The following SCAF8 variants were observed in gnomAD, a reference collection of about 807,000 sequenced individuals.
SCAF8 encodes SR-related and CTD-associated factor 8.
A neutral mutation model predicts 140.5 loss-of-function variants in SCAF8; 23 were observed. That is an observed-to-expected ratio of 0.16 (90% confidence interval 0.12 to 0.23). The LOEUF (loss-of-function observed/expected upper bound fraction) is 0.23, where lower values mean the gene tolerates loss of function less well. SCAF8 is among the 10% of genes least tolerant of loss of function. The probability of loss-of-function intolerance (pLI) is 1.00; values close to 1 mark genes in which losing one functional copy is unlikely to be tolerated. For missense variants in SCAF8, 1,397 were observed against 1,555.7 expected (o/e 0.90, Z 1.72); for synonymous variants, 575 against 528.9 (o/e 1.09, Z -1.20).
intron 1 of SCAF8, among the ~76,000 whole-genome samples, chr6:154,770,378 A>G (rs1776703735): frequency 7.2e-6 from 1 of 139,110 alleles, no homozygotes; most frequent in South Asian, 2.3e-4. Context: ...GTACACACAC[A>G]CACACACACA....
intron 6 of SCAF8, among the ~76,000 whole-genome samples, chr6:154,799,015 G>A (rs1373745257): frequency 6.6e-6 from 1 of 150,580 alleles, no homozygotes; most frequent in East Asian, 1.9e-4. Flanking sequence ...TGGAGTCTTA[G>A]CCTGTCACCC....
rs934350711 is a variant in SCAF8 at position 154,801,586 on chromosome 6, C to T, written c.607-385C>T. On this transcript the variant is annotated intron_variant, in intron 6 of 19. Coordinates refer to ENST00000367178, the MANE Select transcript of SCAF8 (RefSeq NM_014892.5). ...ATGACTCTCCAACTTTCAGGAAGTA[C>T]GTGCTCAGATGGTAATTCTGAATAA... Among the ~76,000 whole-genome samples the T allele has an allele frequency of 4.6e-5, 7 of 151,502 alleles. No homozygotes were observed. The South Asian group carries it at 6.2e-4, about 13-fold the overall frequency.
rs558548308 is a variant in SCAF8, at chr6:154,797,585, A to G, written c.606+2446A>G. Among the ~76,000 whole-genome samples the G allele has an allele frequency of 3.1e-4, 47 of 151,200 alleles. 2 individuals carry two copies. The highest frequency in any genetic ancestry group is 4.0e-4 in the Non-Finnish European group (27 of 67,690). On this transcript the variant is annotated intron_variant, in intron 6 of 19. Transcript: ENST00000367178. Reference sequence around the variant, plus strand: ...TGATTTCTCTATTTTCAGTAGAGACAGGGTTTCACCGTGTTAGCCAGGATG... The same window carrying G: ...TGATTTCTCTATTTTCAGTAGAGACGGGGTTTCACCGTGTTAGCCAGGATG...
At chr6:154,737,547 C>T (rs1012129013) in intron 1 of SCAF8, among the ~76,000 whole-genome samples, 3 of 151,924 alleles carry the variant, frequency 2.0e-5, no homozygotes, top group African/African-American at 4.8e-5. Flanking sequence ...TAGCTGGTCA[C>T]GGTGGCATGT....
chr6:154,808,941 A>G (rs1778005814), intron 11 of SCAF8, 143 bp downstream of exon 11: 2 of 615,072 alleles, frequency 3.3e-6, no homozygotes, highest in Non-Finnish European at 5.7e-6. Flanking sequence ...TCCAAAAACA[A>G]GATAACCTTT....
rs764470047 is a variant in SCAF8 at position 154,792,882 on chromosome 6, T to C, written c.381T>C (p.Ile127=). ...AGAATAATGTATTTAAGAGTGAGAT[T>C]ATTCAGCCCCTTTTGGATATGGCAG... ...WQKNNVFKSE[I]IQPLLDMAAG... The change falls in exon 5 of 20, where the codon ATT becomes ATC. Residue 127 remains isoleucine (I), a synonymous_variant. Transcript: ENST00000367178. 6.2e-7 allele frequency: 1 copy of C among 1,613,520 alleles called. No homozygotes were observed. Among genetic ancestry groups the C allele is most frequent in the Non-Finnish European group, 8.5e-7 (1 of 1,179,526 alleles).
chr6:154,786,671 G>A (rs551917972), intron 3 of SCAF8, among the ~76,000 whole-genome samples: 1 of 152,316 alleles, frequency 6.6e-6, no homozygotes, highest in South Asian at 2.1e-4. Flanking sequence ...AGGTCTGCTC[G>A]CTTTCACTGT....
At chr6:154,797,472 T>G (rs922479397) in intron 6 of SCAF8, among the ~76,000 whole-genome samples, 3 of 151,454 alleles carry the variant, frequency 2.0e-5, no homozygotes, top group Admixed American at 2.0e-4. Context: ...CTTGGCTCAC[T>G]GCAACCTCTG....
chr6:154,772,432 G>A (rs565153066), intron 1 of SCAF8, among the ~76,000 whole-genome samples: 42 of 152,316 alleles, frequency 2.8e-4, no homozygotes, highest in African/African-American at 9.9e-4. Flanking sequence ...GCTCATGCTT[G>A]TAACCTCACC....
chr6:154,796,353 T>TTCTCTCTCTCTCTCTCTCTCTCTCTCTC (rs532893908), intron 6 of SCAF8, among the ~76,000 whole-genome samples: 1 of 75,196 alleles, frequency 1.3e-5, no homozygotes, highest in African/African-American at 8.0e-5. Flanking sequence ...TGCAATCCTG[T>TTCTCTCTCTCTCTCTCTCTCTCTCTCTC]TCTCTCTCTC....
At chr6:154,791,252 A>T (rs1777410862) in intron 4 of SCAF8, among the ~76,000 whole-genome samples, 1 of 152,166 alleles carries the variant, frequency 6.6e-6, no homozygotes. Context: ...GTTTTCTCTA[A>T]ATACTGCTAA....
chr6:154,818,561 G>T lies in SCAF8; in HGVS notation c.1604G>T (p.Gly535Val). ...CGAGCTCTTCAGAAACTCAGTTCTG[G>T]ATCATATAAAATTGGGTCCAAGGTC... Reference protein sequence around the residue: ...AFRALQKLSSGSYKIGSKVIK... With the variant: ...AFRALQKLSSVSYKIGSKVIK... Residue 535 changes from glycine to valine, a missense_variant, in exon 14 of 20, where the codon GGA becomes GTA. Coordinates refer to ENST00000367178, the MANE Select transcript of SCAF8 (RefSeq NM_014892.5). The T allele has an allele frequency of 6.2e-7, 1 of 1,604,404 alleles. No individual in the cohort carries two copies. The highest frequency in any genetic ancestry group is 8.5e-7 in the Non-Finnish European group (1 of 1,174,784).
At chr6:154,796,354 T>TCCCGTTCC (rs71652900) in intron 6 of SCAF8, among the ~76,000 whole-genome samples, 1 of 105,868 alleles carries the variant, frequency 9.4e-6, no homozygotes, top group Non-Finnish European at 2.0e-5. Flanking sequence ...GCAATCCTGT[T>TCCCGTTCC]CTCTCTCTCT....
chr6:154,768,110 G>T (rs1776634339), intron 1 of SCAF8, among the ~76,000 whole-genome samples: 1 of 152,180 alleles, frequency 6.6e-6, no homozygotes, highest in Non-Finnish European at 1.5e-5. Flanking sequence ...TGAGATAGCT[G>T]CAGTGACAGC....
intron 3 of SCAF8, among the ~76,000 whole-genome samples, chr6:154,787,660 C>T (rs1415507017): frequency 6.6e-6 from 1 of 152,120 alleles, no homozygotes; most frequent in Non-Finnish European, 1.5e-5. Context: ...TTTAGAACTT[C>T]TGATTGTATA....
chr6:154,803,536 T>C lies in SCAF8; in HGVS notation c.784-8T>C. ...TTTAATATGTCTGTTTCTCCTTCTTTCCCCCAGAAGTTGATGGATAGGTTT... is the reference window on the plus strand; with the variant it reads ...TTTAATATGTCTGTTTCTCCTTCTTCCCCCCAGAAGTTGATGGATAGGTTT... On this transcript the variant is annotated splice_polypyrimidine_tract_variant and splice_region_variant and intron_variant, in intron 7 of 19. Coordinates refer to ENST00000367178, the MANE Select transcript of SCAF8 (RefSeq NM_014892.5). 1 of 1,605,496 alleles carries C rather than the reference T, an allele frequency of 6.2e-7. No individual in the cohort carries two copies. Among genetic ancestry groups the C allele is most frequent in the Non-Finnish European group, 8.5e-7 (1 of 1,173,168 alleles).
intron 3 of SCAF8, among the ~76,000 whole-genome samples, chr6:154,783,899 GTC>G (rs1370288013): frequency 6.6e-6 from 1 of 151,458 alleles, no homozygotes; most frequent in Non-Finnish European, 1.5e-5. Context: ...GTGAAATCCC[GTC>G]TCTACTAATA....
chr6:154,758,154 T>G (rs1779012698), intron 1 of SCAF8, among the ~76,000 whole-genome samples: 1 of 152,126 alleles, frequency 6.6e-6, no homozygotes, highest in South Asian at 2.1e-4. Context: ...TCAAGCAGTC[T>G]GCCTGCCTTG....
chr6:154,808,272 T>C (rs1487484809), intron 10 of SCAF8, 71 bp downstream of exon 10: 13 of 1,378,640 alleles, frequency 9.4e-6, no homozygotes, highest in Non-Finnish European at 2.0e-6. Flanking sequence ...TATTTTATAC[T>C]AGCAGTGCCC....
Sources: allele counts gnomAD v4.1 joint callset (sites outside exome capture counted in the v4.1 genomes callset), GRCh38; gene constraint gnomAD v4.1.1; transcripts MANE v1.5; gene names NCBI Gene and HGNC (gene_info 2026-07-23, HGNC 2026-07-21).